Variants in ZFHX3 observed in about 807,000 individuals in gnomAD.
The protein encoded by ZFHX3 is zinc finger homeobox 3.
Under a neutral mutation model 279.1 loss-of-function variants are expected in ZFHX3, and 42 were observed. The observed-to-expected ratio is 0.15, with a 90% CI of 0.12 to 0.19. The LOEUF (loss-of-function observed/expected upper bound fraction) is 0.19. Among genes scored for constraint, ZFHX3 ranks in the 10% least tolerant of loss-of-function variants. The pLI, the probability that ZFHX3 is intolerant of heterozygous loss-of-function variation, is 1.00. For missense variants in ZFHX3, 4,981 were observed against 4,754.0 expected (o/e 1.05, Z -1.40); for synonymous variants, 2,293 against 1,957.8 (o/e 1.17, Z -4.52).
At chr16:73,533,924 T>G (rs1183524930) in intron 2 of ZFHX3, among the ~76,000 whole-genome samples, 1 of 152,196 alleles carries the variant, frequency 6.6e-6, no homozygotes, top group African/African-American at 2.4e-5. Flanking sequence ...ATTTCTCACC[T>G]AGATCATGGC....
intron 3 of ZFHX3, among the ~76,000 whole-genome samples, chr16:72,928,148 G>C (rs1366362340): frequency 5.1e-5 from 3 of 58,284 alleles, no homozygotes; most frequent in South Asian, 1.4e-3. Flanking sequence ...GGGGAGAGAG[G>C]GAGGGGGAGG....
At chr16:73,371,494 A>G (rs1161227424) in intron 3 of ZFHX3, among the ~76,000 whole-genome samples, 2 of 151,438 alleles carry the variant, frequency 1.3e-5, no homozygotes, top group Non-Finnish European at 2.9e-5. Flanking sequence ...CTCCAATTTT[A>G]CAGGTAAAAA....
Position 72,852,256 on chromosome 16 carries a change from T to C in ZFHX3, c.3449-22397A>G, listed in dbSNP as rs191140649. 1.3e-3 allele frequency among the ~76,000 whole-genome samples: 193 copies of C among 152,374 alleles called. 1 individual carries two copies. The highest frequency in any genetic ancestry group is 4.4e-3 in the African/African-American group (184 of 41,584). On this transcript the variant is annotated intron_variant, in intron 4 of 9. Transcript: ENST00000268489. ...TGAACTCCTAAAATAACTATAGTTT[T>C]CAAGCCTTTTGAAACATTGTTTATA... is the stretch of plus-strand genomic sequence containing the variant.
intron 3 of ZFHX3, among the ~76,000 whole-genome samples, chr16:73,411,298 A>G (rs2017461357): frequency 6.6e-6 from 1 of 152,232 alleles, no homozygotes; most frequent in Non-Finnish European, 1.5e-5. Context: ...TAAATTTTAT[A>G]GGAGATTTGT....
rs2036457885 is a variant in ZFHX3, at chr16:72,811,785, G to A, written c.3664-8C>T. 6.2e-7 allele frequency: 1 copy of A among 1,611,276 alleles called. No homozygotes were observed. The highest frequency in any genetic ancestry group is 8.5e-7 in the Non-Finnish European group (1 of 1,178,136). On this transcript the variant is annotated splice_region_variant and splice_polypyrimidine_tract_variant and intron_variant, in intron 6 of 9. Transcript: ENST00000268489. ...GTAGGGACACTGGTACATCTGTGGG[G>A]AACACACCCACTGCTTTGAGCAACT... is the stretch of plus-strand genomic sequence containing the variant.
chr16:73,652,624 C>G (rs2052682499), intron 2 of ZFHX3, among the ~76,000 whole-genome samples: 1 of 151,968 alleles, frequency 6.6e-6, no homozygotes, highest in Admixed American at 6.6e-5. Flanking sequence ...ACATGTATGA[C>G]AAAATTATGT....
chr16:72,819,334 A>G (rs999376668), intron 5 of ZFHX3, among the ~76,000 whole-genome samples: 1 of 151,980 alleles, frequency 6.6e-6, no homozygotes, highest in Non-Finnish European at 1.5e-5. Flanking sequence ...TAACCCAGCA[A>G]GGGCTCAGGA....
At chr16:73,759,045 A>T (rs993172484) in intron 1 of ZFHX3, among the ~76,000 whole-genome samples, 1 of 152,228 alleles carries the variant, frequency 6.6e-6, no homozygotes, top group Non-Finnish European at 1.5e-5. Flanking sequence ...CCCTGATGCC[A>T]TTGGTGATTC....
intron 3 of ZFHX3, among the ~76,000 whole-genome samples, chr16:73,441,457 C>T (rs79355111): frequency 0.03 from 4,595 of 152,212 alleles, 133 homozygotes; most frequent in East Asian, 0.17. Context: ...AAGAGCCCAT[C>T]CAGCCAACCA....
At chr16:73,206,412 T>G (rs1251101510) in intron 5 of ZFHX3, among the ~76,000 whole-genome samples, 1 of 151,766 alleles carries the variant, frequency 6.6e-6, no homozygotes, top group Admixed American at 6.6e-5. Flanking sequence ...AAACAGGGAG[T>G]CTGCTGTTTT....
rs2143428334 is a variant in ZFHX3, at chr16:72,796,236, C to T, written c.6446G>A (p.Arg2149His). The T allele has an allele frequency of 6.2e-7, 1 of 1,613,982 alleles. No homozygotes were observed. The highest frequency in any genetic ancestry group is 1.1e-5 in the South Asian group (1 of 91,076). The part of the protein sequence containing the change: ...TLLQQQNKRP[R>H]TRITDDQLRV... ...GAGCTGATCATCTGTGATCCTGGTG[C>T]GAGGCCTCTTGTTCTGCTGCTGGAG... The change falls in exon 9 of 10, where the codon CGC becomes CAC. Residue 2149 changes from arginine (R) to histidine (H), a missense_variant. By Grantham distance (29) the Arg-to-His change is conservative (BLOSUM62 0). Around this residue, in one of 7 missense-constraint regions of ZFHX3, gnomAD observed 177 missense variants for 244.2 expected, o/e 0.72. Coordinates refer to ENST00000268489, the MANE Select transcript of ZFHX3 (RefSeq NM_006885.4).
intron 1 of ZFHX3, among the ~76,000 whole-genome samples, chr16:73,871,402 T>C (rs1250205605): frequency 1.3e-5 from 2 of 152,312 alleles, no homozygotes; most frequent in African/African-American, 4.8e-5. Context: ...GAGGCAATTT[T>C]ACTTCTTCTA....
intron 1 of ZFHX3, among the ~76,000 whole-genome samples, chr16:73,753,449 T>C (rs1012281879): frequency 6.6e-6 from 1 of 152,198 alleles, no homozygotes; most frequent in Admixed American, 6.5e-5. Context: ...TACTTCTCCT[T>C]TCCTAGAAGG....
intron 1 of ZFHX3, among the ~76,000 whole-genome samples, chr16:73,798,468 C>A (rs1960057969): frequency 6.6e-6 from 1 of 151,662 alleles, no homozygotes; most frequent in Non-Finnish European, 1.5e-5. Flanking sequence ...GGAGAGATAC[C>A]CCCCAAAAAA....
chr16:72,967,760 C>CAA lies in ZFHX3; in HGVS notation c.-49-7568_-49-7567dup, dbSNP rs1201182514. ...TGAAACCCCGTCTCTACTAAAAATA[C>CAA]AAAAAAAAAAAAAAAAAATTAGCCG... On this transcript the variant is annotated intron_variant, in intron 1 of 9. Transcript: ENST00000268489. Among the ~76,000 whole-genome samples, 65 of 81,632 alleles carry CAA rather than the reference C, an allele frequency of 8.0e-4. 1 individual carries two copies. Among genetic ancestry groups the CAA allele is most frequent in the African/African-American group, 2.3e-3 (59 of 25,356 alleles). 53.6% of individuals were successfully genotyped at this position (81,632 alleles called of 152,430 possible).
At position 72,959,734 on chromosome 16, in the gene ZFHX3, C is replaced by G; in HGVS notation, c.412G>C (p.Asp138His). ...NLAGEIVYQP[D>H]GSAYIVESLS... ...CTCTCCACAATGTACGCGGAGCCGT[C>G]CGGCTGGTAGACGATCTCCCCGGCC... Residue 138 changes from aspartate to histidine, a missense_variant, in exon 2 of 10, where the codon GAC becomes CAC. Around this residue, in one of 7 missense-constraint regions of ZFHX3, gnomAD observed 1,068 missense variants for 935.2 expected, o/e 1.14. Coordinates refer to ENST00000268489, the MANE Select transcript of ZFHX3 (RefSeq NM_006885.4). 6.2e-7 allele frequency: 1 copy of G among 1,612,842 alleles called. No homozygotes were observed. Among genetic ancestry groups the G allele is most frequent in the Non-Finnish European group, 8.5e-7 (1 of 1,179,228 alleles).
intron 1 of ZFHX3, among the ~76,000 whole-genome samples, chr16:73,786,356 T>C (rs1468001673): frequency 2.6e-5 from 4 of 152,142 alleles, no homozygotes; most frequent in Non-Finnish European, 5.9e-5. Flanking sequence ...CCCTCAAATG[T>C]CTGGATAAGC....
intron 1 of ZFHX3, among the ~76,000 whole-genome samples, chr16:72,984,084 G>C (rs142275782): frequency 6.6e-6 from 1 of 152,100 alleles, no homozygotes; most frequent in African/African-American, 2.4e-5. Context: ...ACCTGCTCAC[G>C]CTCCTTCAAG....
At chr16:73,004,361 C>G (rs1286059489) in intron 1 of ZFHX3, among the ~76,000 whole-genome samples, 1 of 114,080 alleles carries the variant, frequency 8.8e-6, no homozygotes, top group Admixed American at 1.2e-4. Flanking sequence ...TGGAGTTTCA[C>G]TCTTTCACCC....
Sources: allele counts gnomAD v4.1 joint callset (sites outside exome capture counted in the v4.1 genomes callset), GRCh38; gene constraint gnomAD v4.1.1; regional missense constraint gnomAD v4.1.1; transcripts MANE v1.5; gene names NCBI Gene and HGNC (gene_info 2026-07-23, HGNC 2026-07-21).